Variants in MSRA observed in about 807,000 individuals in gnomAD.
MSRA encodes the protein methionine sulfoxide reductase A, also known as mitochondrial peptide methionine sulfoxide reductase.
Under a neutral mutation model 31.3 loss-of-function variants are expected in MSRA, and 54 were observed. That is an observed-to-expected ratio of 1.73 (90% confidence interval 1.39 to 2.17). The LOEUF (loss-of-function observed/expected upper bound fraction) is 2.17. Ranked by LOEUF, MSRA falls within the 30% of genes most tolerant of loss-of-function variation. MSRA has a pLI of 0.00. For synonymous variants in MSRA, 169 were observed against 116.5 expected, an observed-to-expected ratio of 1.45 and a Z score of -2.90; for missense variants, 507 against 300.9, an observed-to-expected ratio of 1.69 and a Z score of -5.07.
At chr8:10,076,051 A>G (rs930721286) in intron 1 of MSRA, among the ~76,000 whole-genome samples, 1 of 152,084 alleles carries the variant, frequency 6.6e-6, no homozygotes, top group African/African-American at 2.4e-5. Context: ...CAGGGACTTC[A>G]CGTCTGGACT....
intron 1 of MSRA, among the ~76,000 whole-genome samples, chr8:10,170,792 T>C (rs1443254162): frequency 1.3e-5 from 2 of 152,230 alleles, no homozygotes; most frequent in Admixed American, 1.3e-4. Context: ...ACTATACTGT[T>C]GTTTATGAGC....
intron 5 of MSRA, among the ~76,000 whole-genome samples, chr8:10,383,941 A>G (rs969289936): frequency 2.6e-5 from 4 of 152,136 alleles, no homozygotes; most frequent in Non-Finnish European, 4.4e-5. Context: ...GCTCATCCCC[A>G]CTGCTTTCCC....
intron 5 of MSRA, among the ~76,000 whole-genome samples, chr8:10,364,600 A>G (rs556876164): frequency 1.8e-4 from 28 of 152,348 alleles, no homozygotes; most frequent in South Asian, 1.2e-3. Context: ...AGTTGTTTTT[A>G]CATTCCACTT....
At chr8:10,212,860 C>G (rs1809630310) in intron 2 of MSRA, among the ~76,000 whole-genome samples, 1 of 152,088 alleles carries the variant, frequency 6.6e-6, no homozygotes, top group Non-Finnish European at 1.5e-5. Flanking sequence ...TCTGCTAAGT[C>G]AAAATTCTTT....
intron 1 of MSRA, among the ~76,000 whole-genome samples, chr8:10,150,771 A>G (rs1803595056): frequency 6.6e-6 from 1 of 152,138 alleles, no homozygotes; most frequent in African/African-American, 2.4e-5. Flanking sequence ...GCGCAGGATT[A>G]AAAAGCACAG....
intron 1 of MSRA, among the ~76,000 whole-genome samples, chr8:10,065,539 C>A (rs961807773): frequency 1.3e-5 from 2 of 152,192 alleles, no homozygotes; most frequent in African/African-American, 4.8e-5. Flanking sequence ...GAGACACACA[C>A]CTGACTTAAG....
At chr8:10,129,808 G>C (rs914397918) in intron 1 of MSRA, among the ~76,000 whole-genome samples, 1 of 152,150 alleles carries the variant, frequency 6.6e-6, no homozygotes, top group East Asian at 1.9e-4. Flanking sequence ...GCTTATACTT[G>C]TGCAAACTCT....
At position 10,351,236 on chromosome 8, in the gene MSRA, T is replaced by G. The variant is rs548272451; in HGVS notation, c.543+31247T>G. On this transcript the variant is annotated intron_variant, in intron 5 of 5. Transcript: ENST00000317173. ...TAATGAATGATGGTTGTTTTTGCTC[T>G]GAAGGAGACTTTTTTTTTTTTTTTT... Among the ~76,000 whole-genome samples, 3 of 144,276 alleles carry G rather than the reference T, an allele frequency of 2.1e-5. No individual in the cohort carries two copies. The Admixed American group carries it at 2.1e-4, about 10-fold the overall frequency. The allele number at this position is 144,276 out of a possible 152,430, so 94.7% of individuals were successfully genotyped here.
At chr8:10,146,756 C>T (rs986754005) in intron 1 of MSRA, among the ~76,000 whole-genome samples, 4 of 152,138 alleles carry the variant, frequency 2.6e-5, no homozygotes, top group South Asian at 2.1e-4. Context: ...ACTTTCTGGG[C>T]GTGGCGCTGG....
intron 1 of MSRA, among the ~76,000 whole-genome samples, chr8:10,179,038 G>T (rs1330512574): frequency 6.6e-6 from 1 of 152,132 alleles, no homozygotes; most frequent in Non-Finnish European, 1.5e-5. Context: ...GCACTAGAAA[G>T]AGTTAAAACT....
At chr8:10,144,936 A>C (rs1343651033) in intron 1 of MSRA, among the ~76,000 whole-genome samples, 5 of 151,576 alleles carry the variant, frequency 3.3e-5, no homozygotes. Flanking sequence ...CTCTGCCTTC[A>C]AACATAAAGC....
chr8:10,332,972 C>A (rs1026782988), intron 5 of MSRA, among the ~76,000 whole-genome samples: 1 of 152,202 alleles, frequency 6.6e-6, no homozygotes, highest in African/African-American at 2.4e-5. Flanking sequence ...ATGCCGGTAT[C>A]AGTCTTTTAT....
At chr8:10,253,184 C>G (rs1798007226) in intron 3 of MSRA, among the ~76,000 whole-genome samples, 1 of 152,332 alleles carries the variant, frequency 6.6e-6, no homozygotes, top group Admixed American at 6.5e-5. Context: ...CTTTCCTTCC[C>G]CTTCAGGCCA....
At chr8:10,394,957 G>A (rs1408700696) in intron 5 of MSRA, among the ~76,000 whole-genome samples, 1 of 152,202 alleles carries the variant, frequency 6.6e-6, no homozygotes, top group African/African-American at 2.4e-5. Context: ...CGATGTTGAT[G>A]ATATTGCCTT....
chr8:10,419,617 C>G (rs1288515693), intron 5 of MSRA, among the ~76,000 whole-genome samples: 3 of 152,176 alleles, frequency 2.0e-5, no homozygotes, highest in East Asian at 1.9e-4. Context: ...AAAATTGACA[C>G]TGTACCTGGT....
At chr8:10,065,880 A>G (rs180865580) in intron 1 of MSRA, among the ~76,000 whole-genome samples, 9 of 152,062 alleles carry the variant, frequency 5.9e-5, no homozygotes, top group Admixed American at 5.9e-4. Flanking sequence ...TGGCGCTAAG[A>G]GTCAACTCTT....
At chr8:10,169,315 C>T (rs1179603812) in intron 1 of MSRA, among the ~76,000 whole-genome samples, 1 of 152,190 alleles carries the variant, frequency 6.6e-6, no homozygotes, top group Non-Finnish European at 1.5e-5. Context: ...CTTGCCTTAA[C>T]TGAGGGAAGT....
intron 2 of MSRA, among the ~76,000 whole-genome samples, chr8:10,223,883 T>C (rs1810746943): frequency 6.6e-6 from 1 of 152,098 alleles, no homozygotes; most frequent in Non-Finnish European, 1.5e-5. Flanking sequence ...ATTTCCCCAC[T>C]CCGAATTCCT....
intron 2 of MSRA, among the ~76,000 whole-genome samples, chr8:10,218,116 ATT>A (rs1810161110): frequency 2.2e-5 from 1 of 45,268 alleles, no homozygotes; most frequent in East Asian, 5.3e-4. Context: ...TTCCTTTTCT[ATT>A]TATTTATTTA....
Sources: gnomAD v4.1 joint callset for allele counts (sites outside exome capture counted in the v4.1 genomes callset) on GRCh38, gnomAD v4.1.1 for gene constraint, MANE v1.5 for transcripts, NCBI Gene and HGNC (gene_info 2026-07-23, HGNC 2026-07-21) for gene names.